Variants in LRGUK observed in about 807,000 individuals in gnomAD.
The protein encoded by LRGUK is leucine-rich repeat and guanylate kinase domain-containing protein.
In LRGUK, 65 loss-of-function variants were observed where a neutral mutation model predicts 76.0. That is an observed-to-expected ratio of 0.85 (90% CI 0.70 to 1.05). The LOEUF is 1.05. Among genes scored for constraint, LRGUK ranks in the 50% least tolerant of loss-of-function variants. The pLI is 0.00. For missense variants in LRGUK, 758 were observed against 732.8 expected (o/e 1.03, Z -0.40); for synonymous variants, 268 against 265.6 (o/e 1.01, Z -0.09).
intron 15 of LRGUK, among the ~76,000 whole-genome samples, chr7:134,216,493 A>T (rs929195464): frequency 6.6e-6 from 1 of 152,204 alleles, no homozygotes; most frequent in Non-Finnish European, 1.5e-5. Context: ...GTGAGTAGGG[A>T]AACATCAATT....
At chr7:134,176,350 C>T (rs556014155) in intron 8 of LRGUK, among the ~76,000 whole-genome samples, 3 of 152,254 alleles carry the variant, frequency 2.0e-5, no homozygotes, top group African/African-American at 7.2e-5. Flanking sequence ...GAAACCTGCA[C>T]GTCCTGCACA....
intron 16 of LRGUK, among the ~76,000 whole-genome samples, chr7:134,245,473 C>G (rs1023182233): frequency 6.6e-6 from 1 of 152,124 alleles, no homozygotes; most frequent in Non-Finnish European, 1.5e-5. Flanking sequence ...GATACTGATA[C>G]CATGCAGGTG....
downstream of LRGUK, among the ~76,000 whole-genome samples, chr7:134,267,224 A>T (rs1246081633): frequency 6.6e-6 from 1 of 152,318 alleles, no homozygotes; most frequent in East Asian, 1.9e-4. Context: ...AAAAATATGG[A>T]CTACTACGCA....
chr7:134,131,294 A>G (rs552512910), intron 1 of LRGUK, among the ~76,000 whole-genome samples: 2 of 152,272 alleles, frequency 1.3e-5, no homozygotes, highest in Non-Finnish European at 2.9e-5. Flanking sequence ...TATAGCTGCA[A>G]TAAATAATAA....
rs746627212 is a variant in LRGUK at position 134,178,616 on chromosome 7, A to T, written c.1214+7A>T. On this transcript the variant is annotated splice_region_variant and intron_variant, in intron 10 of 15. Transcript: ENST00000645682. ...CGCAGAGGATCTTTGACAGGTACTT[A>T]TTAGAAATCCAAAGGCCGGAATTCA... 2 of 1,608,334 alleles carry T rather than the reference A, an allele frequency of 1.2e-6. No homozygotes were observed. The highest frequency in any genetic ancestry group is 3.4e-5 in the Admixed American group (2 of 59,428).
chr7:134,167,587 T>C (rs1470104082), intron 7 of LRGUK, among the ~76,000 whole-genome samples: 1 of 152,052 alleles, frequency 6.6e-6, no homozygotes, highest in African/African-American at 2.4e-5. Context: ...CAGTGGCCAG[T>C]TTATGTGACT....
intron 1 of LRGUK, among the ~76,000 whole-genome samples, chr7:134,136,358 C>T (rs572611654): frequency 6.6e-6 from 1 of 152,296 alleles, no homozygotes; most frequent in Non-Finnish European, 1.5e-5. Flanking sequence ...ATAAATCTAG[C>T]AACATTGACT....
At position 134,250,662 on chromosome 7, in the gene LRGUK, G is replaced by A. The variant is rs1025050750; in HGVS notation, c.2198+1586G>A. On this transcript the variant is annotated intron_variant, in intron 18 of 19. Coordinates refer to the LRGUK transcript ENST00000285928. ...CCTCTAAATGGTCCCCTCTCAGTCT[G>A]CATGTTTCACTAGAGATTAGAGACC... Among the ~76,000 whole-genome samples, 4 of 152,116 alleles carry A rather than the reference G, an allele frequency of 2.6e-5. No individual in the cohort carries two copies. In the East Asian group the frequency reaches 5.8e-4, roughly 22 times the overall value.
intron 7 of LRGUK, among the ~76,000 whole-genome samples, chr7:134,166,335 T>G (rs955449131): frequency 1.3e-5 from 2 of 152,198 alleles, no homozygotes; most frequent in African/African-American, 2.4e-5. Flanking sequence ...GCTGGGAATT[T>G]GGGGACCTTA....
the LRGUK span, among the ~76,000 whole-genome samples, chr7:134,270,714 G>A: frequency 1.8e-4 from 27 of 152,086 alleles, no homozygotes; most frequent in South Asian, 3.3e-3. Context: ...TTGCAGTTTT[G>A]TAATTTTTAT....
exon 2 of LRGUK, chr7:134,137,050 G>A: frequency 1.9e-6 from 3 of 1,613,552 alleles, no homozygotes; most frequent in South Asian, 2.2e-5. Flanking sequence ...CCTGAGAGAG[G>A]AGGCTGTGGC....
intron 1 of LRGUK, among the ~76,000 whole-genome samples, chr7:134,130,269 G>A (rs1293708265): frequency 2.6e-5 from 4 of 152,194 alleles, no homozygotes; most frequent in Middle Eastern, 6.8e-3. Flanking sequence ...TGAGATGTTT[G>A]TATGGTTTCC....
the LRGUK span, among the ~76,000 whole-genome samples, chr7:134,270,357 G>T: frequency 0.14 from 21,777 of 151,998 alleles, 3,950 homozygotes; most frequent in African/African-American, 0.42. Context: ...CTTTTAAAAA[G>T]GCACAAGACT....
At chr7:134,168,921 C>A (rs1319804729) in intron 7 of LRGUK, among the ~76,000 whole-genome samples, 1 of 152,058 alleles carries the variant, frequency 6.6e-6, no homozygotes, top group Non-Finnish European at 1.5e-5. Context: ...GGCCATGGAG[C>A]CACTTCTCTT....
intron 15 of LRGUK, among the ~76,000 whole-genome samples, chr7:134,218,607 C>T (rs1412447753): frequency 1.3e-5 from 2 of 152,130 alleles, no homozygotes; most frequent in Non-Finnish European, 2.9e-5. Context: ...GCCTGTGATA[C>T]CAGATCATCA....
chr7:134,167,638 G>C (rs1799052418), intron 7 of LRGUK, among the ~76,000 whole-genome samples: 1 of 152,130 alleles, frequency 6.6e-6, no homozygotes, highest in African/African-American at 2.4e-5. Context: ...CTGGTGGGGT[G>C]CAGTGCTCCC....
At position 134,247,577 on chromosome 7, in the gene LRGUK, C is replaced by T; in HGVS notation, c.2005C>T (p.Gln669Ter). 6.2e-7 allele frequency: 1 copy of T among 1,613,554 alleles called. No homozygotes were observed. Among genetic ancestry groups the T allele is most frequent in the South Asian group, 1.1e-5 (1 of 91,032 alleles). ...CTAGGAAAGAGATTCTATACACAGA[C>T]AGCACGAGGCAGCCCGGCAAGCTCT... Residue 669 changes from glutamine to a stop codon, truncating the protein, a stop_gained, in exon 17 of 20, where the codon CAG becomes TAG. Coordinates refer to the LRGUK transcript ENST00000285928. LOFTEE classifies it high-confidence loss of function.
At chr7:134,205,411 T>C (rs1010624981) in intron 15 of LRGUK, among the ~76,000 whole-genome samples, 1 of 152,070 alleles carries the variant, frequency 6.6e-6, no homozygotes, top group African/African-American at 2.4e-5. Context: ...CCCAGCAGAG[T>C]CACCATCATG....
downstream of LRGUK, among the ~76,000 whole-genome samples, chr7:134,215,125 T>A (rs1481559667): frequency 6.6e-6 from 1 of 152,084 alleles, no homozygotes; most frequent in Non-Finnish European, 1.5e-5. Flanking sequence ...ACTCCTTAGA[T>A]ATGTGGCTTT....
Sources: allele counts gnomAD v4.1 joint callset (sites outside exome capture counted in the v4.1 genomes callset), GRCh38; gene constraint gnomAD v4.1.1; transcripts MANE v1.5; gene names NCBI Gene and HGNC (gene_info 2026-07-23, HGNC 2026-07-21).